The following NBEAL1 variants were observed in gnomAD, a reference collection of about 807,000 sequenced individuals.
The protein encoded by NBEAL1 is neurobeachin like 1.
NBEAL1 carries 273 observed loss-of-function variants against 351.3 expected under a neutral mutation model. That is an observed-to-expected ratio of 0.78 (90% CI 0.70 to 0.86). NBEAL1 has a LOEUF of 0.86. NBEAL1 is among the 40% of genes least tolerant of loss of function. The probability of loss-of-function intolerance (pLI) is 0.00; values close to 1 mark genes in which losing one functional copy is unlikely to be tolerated. For missense variants in NBEAL1, 2,961 were observed against 3,201.3 expected, an observed-to-expected ratio of 0.92 and a Z score of 1.81; for synonymous variants, 1,050 against 1,086.4, an observed-to-expected ratio of 0.97 and a Z score of 0.66.
intron 2 of NBEAL1, among the ~76,000 whole-genome samples, chr2:203,034,159 CTT>C (rs1166429847): frequency 2.1e-4 from 29 of 134,978 alleles, no homozygotes; most frequent in African/African-American, 4.0e-4. Flanking sequence ...TTGGCCTGTA[CTT>C]TTTTTTTTTT....
intron 52 of NBEAL1, 150 bp downstream of exon 52, chr2:203,208,903 T>C: frequency 4.6e-6 from 3 of 646,098 alleles, no homozygotes; most frequent in Non-Finnish European, 7.7e-6. Flanking sequence ...GAATAGACTT[T>C]GCAAAATAAA....
At chr2:203,121,947 G>A (rs996538901) in intron 18 of NBEAL1, among the ~76,000 whole-genome samples, 21 of 151,760 alleles carry the variant, frequency 1.4e-4, no homozygotes, top group East Asian at 3.9e-4. Context: ...CACCACACCC[G>A]GCTAGTTTTT....
chr2:203,053,431 T>G (rs1406782902), intron 4 of NBEAL1, among the ~76,000 whole-genome samples: 1 of 152,206 alleles, frequency 6.6e-6, no homozygotes, highest in East Asian at 1.9e-4. Context: ...GTTTTCTTAT[T>G]AAGTTTTAAG....
In NBEAL1 at chr2:203,041,774, G is replaced by T. The variant is rs2061145795; in HGVS notation, c.61G>T (p.Asp21Tyr). 3 of 1,552,002 alleles carry T rather than the reference G, an allele frequency of 1.9e-6. No individual in the cohort carries two copies. The highest frequency in any genetic ancestry group is 1.7e-6 in the Non-Finnish European group (2 of 1,146,644). The change falls in exon 3 of 56, where the codon GAT becomes TAT. Residue 21 changes from aspartate to tyrosine, a missense_variant. Asp to Tyr is a radical substitution (Grantham distance 160). Coordinates refer to ENST00000683969, the MANE Select transcript of NBEAL1 (RefSeq NM_001378026.1). ...GGTTTTGTTATTTCAGAAAGATCCA[G>T]ATTACCTGAAGCTGTGGTTGGACAC... ...WMLYCTKKDPDYLKLWLDTFV... is the reference protein window; with the variant it reads ...WMLYCTKKDPYYLKLWLDTFV...
At chr2:203,078,675 C>T (rs1053279215) in intron 8 of NBEAL1, among the ~76,000 whole-genome samples, 2 of 152,086 alleles carry the variant, frequency 1.3e-5, no homozygotes, top group East Asian at 1.9e-4. Flanking sequence ...TTCTAGTTGA[C>T]GAAAGGATTA....
rs760087008 is a variant in NBEAL1 at position 203,035,836 on chromosome 2, A to C, written c.52-5929A>C. 6.7e-5 allele frequency among the ~76,000 whole-genome samples: 10 copies of C among 149,256 alleles called. 2 individuals are homozygous for C. Among genetic ancestry groups the C allele is most frequent in the Non-Finnish European group, 1.5e-4 (10 of 66,570 alleles). ...GCATAGAACATTACTGTTTTGTGGG[A>C]GTTTCCTGATTTGGGCACATAGTAG... On this transcript the variant is annotated intron_variant, in intron 2 of 55. Transcript: ENST00000683969.
intron 18 of NBEAL1, among the ~76,000 whole-genome samples, chr2:203,116,541 C>G (rs1445824702): frequency 6.6e-6 from 1 of 150,988 alleles, no homozygotes; most frequent in African/African-American, 2.4e-5. Flanking sequence ...TTGGGATGCC[C>G]AGGTGGATCG....
intron 42 of NBEAL1, among the ~76,000 whole-genome samples, chr2:203,178,247 C>T (rs1469612966): frequency 6.6e-6 from 1 of 151,516 alleles, no homozygotes; most frequent in Non-Finnish European, 1.5e-5. Context: ...TCACTGCAAC[C>T]TCCATCTCCT....
At chr2:203,160,541 A>G (rs1183704015) in intron 36 of NBEAL1, among the ~76,000 whole-genome samples, 1 of 152,174 alleles carries the variant, frequency 6.6e-6, no homozygotes, top group African/African-American at 2.4e-5. Context: ...TAAATTGAAC[A>G]TCAGAGGTCC....
At chr2:203,058,740 C>T (rs955988804) in intron 6 of NBEAL1, among the ~76,000 whole-genome samples, 1 of 152,148 alleles carries the variant, frequency 6.6e-6, no homozygotes, top group African/African-American at 2.4e-5. Context: ...ATCTGGTACC[C>T]TCTATTAGGG....
At chr2:203,137,410 C>T (rs973315829) in intron 29 of NBEAL1, among the ~76,000 whole-genome samples, 6 of 152,140 alleles carry the variant, frequency 3.9e-5, no homozygotes, top group African/African-American at 1.4e-4. Flanking sequence ...GACACCCCTG[C>T]TGTAGATAAT....
intron 25 of NBEAL1, among the ~76,000 whole-genome samples, chr2:203,131,436 G>A (rs1031671023): frequency 5.3e-5 from 8 of 152,034 alleles, no homozygotes; most frequent in African/African-American, 1.7e-4. Flanking sequence ...GGCTGGTCTC[G>A]AACTCCTGAC....
chr2:203,059,690 A>G (rs1384829176), intron 6 of NBEAL1, among the ~76,000 whole-genome samples: 2 of 152,214 alleles, frequency 1.3e-5, no homozygotes, highest in Admixed American at 1.3e-4. Flanking sequence ...ACTACCTTTT[A>G]TCTCTGCTTA....
At chr2:203,102,620 C>G (rs1044544579) in intron 12 of NBEAL1, among the ~76,000 whole-genome samples, 2 of 152,154 alleles carry the variant, frequency 1.3e-5, no homozygotes, top group African/African-American at 4.8e-5. Flanking sequence ...TATTAATTTG[C>G]ATATGTTGAA....
chr2:203,046,445 C>T (rs1380048417), intron 3 of NBEAL1, among the ~76,000 whole-genome samples: 1 of 152,116 alleles, frequency 6.6e-6, no homozygotes, highest in African/African-American at 2.4e-5. Flanking sequence ...TCTCCATCTC[C>T]TGACCTCAGG....
At chr2:203,047,847 G>A (rs760829259) in intron 3 of NBEAL1, among the ~76,000 whole-genome samples, 16 of 149,944 alleles carry the variant, frequency 1.1e-4, no homozygotes, top group South Asian at 8.4e-4. Flanking sequence ...GGGCTCAAGC[G>A]ATCCTCCTGC....
chr2:203,050,301 ATAAT>A (rs1422673179), intron 4 of NBEAL1: 1 of 159,938 alleles, frequency 6.3e-6, no homozygotes, highest in Non-Finnish European at 1.4e-5. Context: ...TACCAAAATA[ATAAT>A]TAATTTTGTT....
At chr2:203,191,905 T>G (rs1167826844) in intron 46 of NBEAL1, among the ~76,000 whole-genome samples, 1 of 152,172 alleles carries the variant, frequency 6.6e-6, no homozygotes, top group Non-Finnish European at 1.5e-5. Flanking sequence ...GGCTATATAT[T>G]TATCCATTTA....
At chr2:203,163,194 T>C (rs1251303367) in intron 36 of NBEAL1, among the ~76,000 whole-genome samples, 1 of 152,070 alleles carries the variant, frequency 6.6e-6, no homozygotes, top group Non-Finnish European at 1.5e-5. Context: ...ATAGACTTTC[T>C]CTTTAACATA....
Sources: gnomAD v4.1 joint callset for allele counts (sites outside exome capture counted in the v4.1 genomes callset) on GRCh38, gnomAD v4.1.1 for gene constraint, MANE v1.5 for transcripts, NCBI Gene and HGNC (gene_info 2026-07-23, HGNC 2026-07-21) for gene names.